The following PRDM16 variants were observed in gnomAD, a reference collection of about 807,000 sequenced individuals.
PRDM16 encodes the protein histone-lysine N-methyltransferase PRDM16.
PRDM16 carries 23 observed loss-of-function variants against 110.6 expected under a neutral mutation model. The ratio of observed to expected loss-of-function variants is 0.21; its 90% confidence interval spans 0.15 to 0.29. The LOEUF is 0.29. PRDM16 is among the 10% of genes least tolerant of loss of function. PRDM16 has a pLI of 1.00. For missense variants in PRDM16, 1,615 were observed against 1,794.3 expected (o/e 0.90, Z 1.81); for synonymous variants, 799 against 781.8 (o/e 1.02, Z -0.37).
In PRDM16 at chr1:3,183,795, G is replaced by T. The variant is rs187745684; in HGVS notation, c.38-2330G>T. On this transcript the variant is annotated intron_variant, in intron 1 of 16. Transcript: ENST00000270722. ...GCCCTGCAACGGATATGCACTTGAT[G>T]CGGACGCTGCCCCACTTCGGGCTCC... Among the ~76,000 whole-genome samples, 4 of 152,312 alleles carry T rather than the reference G, an allele frequency of 2.6e-5. No individual in the cohort carries two copies. The East Asian group carries it at 7.7e-4, about 29-fold the overall frequency.
intron 1 of PRDM16, among the ~76,000 whole-genome samples, chr1:3,129,188 G>GTA (rs1643279331): frequency 6.7e-6 from 1 of 149,542 alleles, no homozygotes; most frequent in African/African-American, 2.5e-5. Flanking sequence ...CCTAGTGTGT[G>GTA]GGTGTGTGGA....
intron 3 of PRDM16, among the ~76,000 whole-genome samples, chr1:3,300,031 C>T (rs1230131364): frequency 1.1e-5 from 1 of 87,712 alleles, no homozygotes; most frequent in Admixed American, 1.5e-4. Flanking sequence ...ATGCTGTGGC[C>T]GTGATGTTTC....
At chr1:3,087,654 G>A (rs1430013073) in intron 1 of PRDM16, among the ~76,000 whole-genome samples, 1 of 152,184 alleles carries the variant, frequency 6.6e-6, no homozygotes, top group African/African-American at 2.4e-5. Flanking sequence ...CCTTGGACGT[G>A]ACCAAGGAAT....
chr1:3,233,204 G>A (rs547077130), intron 2 of PRDM16, among the ~76,000 whole-genome samples: 66 of 152,340 alleles, frequency 4.3e-4, no homozygotes, highest in African/African-American at 1.6e-3. Context: ...TGCCCAGGGT[G>A]GGGGTGGCCG....
At chr1:3,114,466 C>A (rs57983998) in intron 1 of PRDM16, among the ~76,000 whole-genome samples, 1 of 147,842 alleles carries the variant, frequency 6.8e-6, no homozygotes, top group Non-Finnish European at 1.5e-5. Context: ...CACGCACACA[C>A]GCAGTGTAAA....
intron 3 of PRDM16, among the ~76,000 whole-genome samples, chr1:3,337,175 G>A (rs906106332): frequency 2.0e-5 from 3 of 151,720 alleles, no homozygotes; most frequent in African/African-American, 7.3e-5. Context: ...ATCTGTGAGT[G>A]CATGCATCCA....
At chr1:3,325,872 G>C (rs1480460219) in intron 3 of PRDM16, among the ~76,000 whole-genome samples, 1 of 149,020 alleles carries the variant, frequency 6.7e-6, no homozygotes, top group Non-Finnish European at 1.5e-5. Context: ...TTCTCAGTGA[G>C]CCATGACCAT....
chr1:3,184,454 C>T (rs563905402), intron 1 of PRDM16, among the ~76,000 whole-genome samples: 3 of 152,250 alleles, frequency 2.0e-5, no homozygotes, highest in South Asian at 2.1e-4. Context: ...CACGGGTCCT[C>T]GAGGCAGCCA....
rs147861713 is a variant in PRDM16, at chr1:3,339,790, G to A, written c.439-45362G>A. On this transcript the variant is annotated intron_variant, in intron 3 of 16. Coordinates refer to ENST00000270722, the MANE Select transcript of PRDM16 (RefSeq NM_022114.4). This position sits in a 1 kb window ranked among gnomAD's most constrained non-coding sequence, Gnocchi z 5.0. ...TGCCTCACCATTCCCTTCCCCAGCT[G>A]CTGGAATCCTCAGAGAGCCCCTGTC... Among the ~76,000 whole-genome samples, 12 of 152,266 alleles carry A rather than the reference G, an allele frequency of 7.9e-5. 1 individual carries two copies. The East Asian group carries it at 2.3e-3, about 29-fold the overall frequency.
chr1:3,128,924 G>T (rs776293662), intron 1 of PRDM16, among the ~76,000 whole-genome samples: 1 of 152,214 alleles, frequency 6.6e-6, no homozygotes, highest in Non-Finnish European at 1.5e-5. Context: ...AGCCGTGGCC[G>T]GCAGCCTTGG....
chr1:3,323,206 C>T (rs527539630), intron 3 of PRDM16, among the ~76,000 whole-genome samples: 8 of 152,220 alleles, frequency 5.3e-5, no homozygotes, highest in South Asian at 2.1e-4. Flanking sequence ...CCACCCCACC[C>T]GTACCCTCAG....
chr1:3,281,651 G>T (rs1378603770), intron 3 of PRDM16, among the ~76,000 whole-genome samples: 1 of 152,112 alleles, frequency 6.6e-6, no homozygotes, highest in Non-Finnish European at 1.5e-5. Context: ...CTGTGATCAG[G>T]TTCATTGATG....
chr1:3,297,765 G>C (rs925091896), intron 3 of PRDM16, among the ~76,000 whole-genome samples: 3 of 152,180 alleles, frequency 2.0e-5, no homozygotes, highest in African/African-American at 7.2e-5. Context: ...CAGGGAGGGA[G>C]TCAGGGAAGG....
In PRDM16 at chr1:3,370,720, C is replaced by G. The variant is rs977339320; in HGVS notation, c.439-14432C>G. 1.8e-4 allele frequency among the ~76,000 whole-genome samples: 27 copies of G among 152,198 alleles called. No homozygotes were observed. Among genetic ancestry groups the G allele is most frequent in the Non-Finnish European group, 2.6e-4 (18 of 68,030 alleles). ...ATGACAACTCCTGGAATGGTGTTCC[C>G]TTGTGTCTCACCATACGAAGTTGGG... On this transcript the variant is annotated intron_variant, in intron 3 of 16. Transcript: ENST00000270722. The surrounding 1 kb of genome is among the most constrained non-coding windows in gnomAD (Gnocchi z 4.8).
intron 2 of PRDM16, among the ~76,000 whole-genome samples, chr1:3,221,772 C>T (rs557124305): frequency 7.2e-5 from 11 of 152,334 alleles, no homozygotes; most frequent in Non-Finnish European, 1.0e-4. Flanking sequence ...GACATGCATG[C>T]GTGTCTAGGC....
intron 2 of PRDM16, among the ~76,000 whole-genome samples, chr1:3,205,827 C>T (rs1024428047): frequency 3.3e-5 from 5 of 152,250 alleles, no homozygotes; most frequent in African/African-American, 1.2e-4. Flanking sequence ...GTTCAAGTTG[C>T]ATCCCCTGCC....
At chr1:3,181,552 G>GGTCTTACACACACGGTCTTACA (rs755533699) in intron 1 of PRDM16, among the ~76,000 whole-genome samples, 2 of 27,432 alleles carry the variant, frequency 7.3e-5, no homozygotes, top group Non-Finnish European at 7.8e-5. Context: ...TCTTACACAC[G>GGTCTTACACACACGGTCTTACA]CAGTCTTACA....
Position 3,109,699 on chromosome 1 carries a change from C to T in PRDM16, c.37+40403C>T, listed in dbSNP as rs529809695. 1.8e-4 allele frequency among the ~76,000 whole-genome samples: 27 copies of T among 152,322 alleles called. No homozygotes were observed. In the South Asian group the frequency reaches 5.2e-3, roughly 29 times the overall value. On this transcript the variant is annotated intron_variant, in intron 1 of 16. Transcript: ENST00000270722. Reference sequence around the variant, plus strand: ...GAGTGTGGCAGGGGAATTTCCATCCCGTCTGTGTGCTTGAGCAAAGGACAT... The same window carrying T: ...GAGTGTGGCAGGGGAATTTCCATCCTGTCTGTGTGCTTGAGCAAAGGACAT...
rs544863565 is a variant in PRDM16 at position 3,095,164 on chromosome 1, C to T, written c.37+25868C>T. Among the ~76,000 whole-genome samples the T allele has an allele frequency of 3.7e-3, 570 of 152,260 alleles. 4 individuals carry two copies. Among genetic ancestry groups the T allele is most frequent in the African/African-American group, 0.013 (547 of 41,546 alleles). On this transcript the variant is annotated intron_variant, in intron 1 of 16. Coordinates refer to ENST00000270722, the MANE Select transcript of PRDM16 (RefSeq NM_022114.4). ...GAGAAGGCCCCTCTCCAGCTCAGTG[C>T]GTGAAAAGCCAGGCTGGAGCTCCAC...
Sources: allele counts gnomAD v4.1 joint callset (sites outside exome capture counted in the v4.1 genomes callset), GRCh38; gene constraint gnomAD v4.1.1; non-coding constraint Gnocchi (gnomAD v3.1); transcripts MANE v1.5; gene names NCBI Gene and HGNC (gene_info 2026-07-23, HGNC 2026-07-21).